PTPRC: variants seen among roughly 807,000 people sequenced by gnomAD.
PTPRC encodes receptor-type tyrosine-protein phosphatase C.
Under a neutral mutation model 155.9 loss-of-function variants are expected in PTPRC, and 44 were observed. The observed-to-expected ratio is 0.28, with a 90% CI of 0.22 to 0.36. PTPRC has a LOEUF of 0.36. Among genes scored for constraint, PTPRC ranks in the 10% least tolerant of loss-of-function variants. PTPRC has a pLI of 1.00. For synonymous variants in PTPRC, 525 were observed against 533.1 expected (o/e 0.98, Z 0.21); for missense variants, 1,401 against 1,564.6 (o/e 0.90, Z 1.76).
At chr1:198,665,084 T>C (rs1664204582) in intron 2 of PTPRC, among the ~76,000 whole-genome samples, 1 of 117,252 alleles carries the variant, frequency 8.5e-6, no homozygotes, top group African/African-American at 3.2e-5. Flanking sequence ...GGCAGCATTT[T>C]TTTTTTTTTT....
intron 2 of PTPRC, among the ~76,000 whole-genome samples, chr1:198,675,380 A>G (rs1383215848): frequency 6.6e-6 from 1 of 152,162 alleles, no homozygotes. Flanking sequence ...TCTTTACTTC[A>G]TTACTAATAT....
At chr1:198,731,476 T>C in intron 17 of PTPRC, 141 bp from the exon 18 acceptor site, 1 of 669,388 alleles carries the variant, frequency 1.5e-6, no homozygotes, top group Non-Finnish European at 2.7e-6. Context: ...AATGTTTGTA[T>C]GTGAGTGAGA....
chr1:198,649,907 T>C (rs1663149908), intron 2 of PTPRC, among the ~76,000 whole-genome samples: 1 of 151,798 alleles, frequency 6.6e-6, no homozygotes. Flanking sequence ...TTAAGTAGTG[T>C]AATATGGTAG....
At chr1:198,692,073 G>C (rs558053989) in intron 2 of PTPRC, among the ~76,000 whole-genome samples, 33 of 152,158 alleles carry the variant, frequency 2.2e-4, no homozygotes, top group African/African-American at 7.9e-4. Context: ...TTGCAGGCTT[G>C]AAATTAATCC....
chr1:198,750,286 C>A, intron 28 of PTPRC: 1 of 592,632 alleles, frequency 1.7e-6, no homozygotes, highest in South Asian at 2.0e-5. Flanking sequence ...ATCTTGATTT[C>A]ACATTATTAG....
At chr1:198,742,703 T>C (rs1207350538) in intron 25 of PTPRC, among the ~76,000 whole-genome samples, 1 of 151,918 alleles carries the variant, frequency 6.6e-6, no homozygotes, top group South Asian at 2.1e-4. Flanking sequence ...CAGAATAGTA[T>C]AGTAATCAAC....
chr1:198,745,858 T>C (rs189482856), intron 26 of PTPRC, among the ~76,000 whole-genome samples: 57 of 151,884 alleles, frequency 3.8e-4, no homozygotes, highest in Admixed American at 2.0e-3. Flanking sequence ...GTAGTAAGGA[T>C]AATAAGTTGG....
At chr1:198,718,843 A>C (rs1431465183) in intron 14 of PTPRC, among the ~76,000 whole-genome samples, 2 of 152,156 alleles carry the variant, frequency 1.3e-5, no homozygotes, top group African/African-American at 4.8e-5. Context: ...CAACATTCTG[A>C]GTACACAGTT....
intron 2 of PTPRC, among the ~76,000 whole-genome samples, chr1:198,673,857 C>T (rs1055100352): frequency 2.6e-5 from 4 of 152,090 alleles, no homozygotes; most frequent in African/African-American, 9.7e-5. Flanking sequence ...GAAAGCTAAT[C>T]TAAATTTAAG....
intron 11 of PTPRC, among the ~76,000 whole-genome samples, chr1:198,710,574 C>G (rs1204432650): frequency 6.6e-6 from 1 of 152,168 alleles, no homozygotes; most frequent in East Asian, 1.9e-4. Flanking sequence ...CACAAGATAT[C>G]TTTCCATTAA....
Position 198,742,087 on chromosome 1 carries a change from C to G in PTPRC, c.2561+61C>G. 10 of 1,604,504 alleles carry G rather than the reference C, an allele frequency of 6.2e-6. No individual in the cohort carries two copies. The South Asian group carries it at 8.8e-5, about 14-fold the overall frequency. On this transcript the variant is annotated intron_variant, in intron 24 of 32. Coordinates refer to ENST00000442510, the MANE Select transcript of PTPRC (RefSeq NM_002838.5). ...AAAAAACTCCAACAGAATCCACCTG[C>G]CTAGGGCTGTTAGAGACATCTTTCC... is the stretch of plus-strand genomic sequence containing the variant.
At chr1:198,745,463 CAGTTGAG>C (rs1375917979) in intron 26 of PTPRC, among the ~76,000 whole-genome samples, 1 of 151,750 alleles carries the variant, frequency 6.6e-6, no homozygotes, top group Non-Finnish European at 1.5e-5. Context: ...GCTAGGTCAT[CAGTTGAG>C]AGTTGAGAGA....
At chr1:198,689,830 G>C (rs1255358648) in intron 2 of PTPRC, among the ~76,000 whole-genome samples, 1 of 152,040 alleles carries the variant, frequency 6.6e-6, no homozygotes, top group Non-Finnish European at 1.5e-5. Context: ...ATGTTGATGC[G>C]AGAAATTTTG....
intron 2 of PTPRC, among the ~76,000 whole-genome samples, chr1:198,674,541 CATAAT>C (rs1251255712): frequency 1.4e-5 from 2 of 147,858 alleles, no homozygotes; most frequent in East Asian, 3.9e-4. Flanking sequence ...ATATATATAA[CATAAT>C]ATATAACATA....
At chr1:198,746,510 A>G (rs117772940) in intron 26 of PTPRC, among the ~76,000 whole-genome samples, 1 of 151,824 alleles carries the variant, frequency 6.6e-6, no homozygotes, top group East Asian at 2.0e-4. Flanking sequence ...GAAGATGATT[A>G]AGATAAATGG....
At chr1:198,715,514 G>C (rs1653543322) in intron 12 of PTPRC, among the ~76,000 whole-genome samples, 1 of 152,080 alleles carries the variant, frequency 6.6e-6, no homozygotes, top group South Asian at 2.1e-4. Flanking sequence ...GGGAATTGGG[G>C]AAGAGATCTT....
chr1:198,685,867 T>A (rs1665593572), intron 2 of PTPRC, among the ~76,000 whole-genome samples: 1 of 152,106 alleles, frequency 6.6e-6, no homozygotes, highest in Non-Finnish European at 1.5e-5. Context: ...ATCTATTCTA[T>A]TTTACCCTTC....
intron 10 of PTPRC, among the ~76,000 whole-genome samples, chr1:198,708,965 C>T (rs184325231): frequency 1.3e-5 from 2 of 152,154 alleles, no homozygotes; most frequent in East Asian, 1.9e-4. Flanking sequence ...TGGAGCATTG[C>T]GCTGGGTGTA....
chr1:198,666,899 T>C (rs1179290494), intron 2 of PTPRC: 1 of 152,178 alleles, frequency 6.6e-6, no homozygotes, highest in Non-Finnish European at 1.5e-5. Context: ...TAAAATGTGA[T>C]CACTAGTGGT....
Sources: allele counts gnomAD v4.1 joint callset (sites outside exome capture counted in the v4.1 genomes callset), GRCh38; gene constraint gnomAD v4.1.1; transcripts MANE v1.5; gene names NCBI Gene and HGNC (gene_info 2026-07-23, HGNC 2026-07-21).